The following TES variants were observed in gnomAD, a reference collection of about 807,000 sequenced individuals.
The protein encoded by TES is testin LIM domain protein, also known as testin.
TES carries 41 observed loss-of-function variants against 48.2 expected under a neutral mutation model. That is an observed-to-expected ratio of 0.85 (90% CI 0.66 to 1.10). The LOEUF is 1.10. TES is among the 50% of genes least tolerant of loss of function. The probability of loss-of-function intolerance (pLI) is 0.00; values close to 1 mark genes in which losing one functional copy is unlikely to be tolerated. For missense variants in TES, 463 were observed against 515.1 expected (o/e 0.90, Z 0.98); for synonymous variants, 162 against 174.9 (o/e 0.93, Z 0.58).
In TES at chr7:116,242,507, ATCTCTC is replaced by A. The variant is rs60510276; in HGVS notation, c.114-6487_114-6482del. ...AAAGCAATTTGCCTCTTCACCACCT[ATCTCTC>A]TCTCTCTCTCTCTCTCTCTCTCTCT... On this transcript the variant is annotated intron_variant, in intron 2 of 6. Coordinates refer to ENST00000358204, the MANE Select transcript of TES (RefSeq NM_015641.4). Among the ~76,000 whole-genome samples the A allele has an allele frequency of 1.0e-2, 1,417 of 141,898 alleles. 17 individuals are homozygous for A. Among genetic ancestry groups the A allele is most frequent in the African/African-American group, 0.033 (1,273 of 38,716 alleles). The allele number at this position is 141,898 out of a possible 152,430, so 93.1% of individuals were successfully genotyped here.
intron 1 of TES, among the ~76,000 whole-genome samples, chr7:116,232,825 T>C (rs1176477012): frequency 6.6e-6 from 1 of 152,262 alleles, no homozygotes; most frequent in African/African-American, 2.4e-5. Flanking sequence ...TGATAAAGCT[T>C]AGCTAATGCT....
At chr7:116,219,113 C>T (rs2178167) in intron 1 of TES, among the ~76,000 whole-genome samples, 3 of 151,754 alleles carry the variant, frequency 2.0e-5, no homozygotes, top group Non-Finnish European at 4.4e-5. Context: ...GTGTGGGTTG[C>T]GATTATTTTA....
intron 4 of TES, 78 bp from the exon 5 acceptor site, chr7:116,251,682 C>CA (rs766628460): frequency 0.065 from 65,708 of 1,008,774 alleles, 8 homozygotes; most frequent in Non-Finnish European, 0.075. Flanking sequence ...GACTCAGTCT[C>CA]AAAAAAAAAA....
intron 2 of TES, among the ~76,000 whole-genome samples, chr7:116,241,850 T>A (rs1799852983): frequency 6.6e-6 from 1 of 152,100 alleles, no homozygotes; most frequent in Non-Finnish European, 1.5e-5. Context: ...AATAATAATT[T>A]AAAAAAATAC....
chr7:116,242,533 CTCTCTGTCTCTG>C (rs747150482), intron 2 of TES, among the ~76,000 whole-genome samples: 4 of 73,930 alleles, frequency 5.4e-5, no homozygotes, highest in African/African-American at 3.0e-4. Flanking sequence ...CTCTCTCTCT[CTCTCTGTCTCTG>C]TCTCGGAATA....
At chr7:116,222,367 C>T (rs1799567377) in intron 1 of TES, among the ~76,000 whole-genome samples, 1 of 152,166 alleles carries the variant, frequency 6.6e-6, no homozygotes. Flanking sequence ...CTCCTCTGGG[C>T]AGCCTCCTTC....
At chr7:116,221,728 A>G (rs1799560341) in intron 1 of TES, among the ~76,000 whole-genome samples, 1 of 152,158 alleles carries the variant, frequency 6.6e-6, no homozygotes, top group Non-Finnish European at 1.5e-5. Flanking sequence ...CTCTAATTTC[A>G]TTGGTGGCTT....
intron 6 of TES, 125 bp downstream of exon 6, chr7:116,252,601 C>A: frequency 7.5e-7 from 1 of 1,340,082 alleles, no homozygotes; most frequent in Non-Finnish European, 1.1e-6. Flanking sequence ...CAAATTATTC[C>A]TACCACAGGG....
chr7:116,217,753 C>T (rs777704388), intron 1 of TES: 1 of 515,050 alleles, frequency 1.9e-6, no homozygotes, highest in Non-Finnish European at 3.9e-6. Context: ...TTGCCTCAAG[C>T]ACTATTAGAG....
intron 2 of TES, among the ~76,000 whole-genome samples, chr7:116,236,538 A>C (rs1799774115): frequency 1.3e-5 from 2 of 152,208 alleles, no homozygotes; most frequent in South Asian, 2.1e-4. Flanking sequence ...ATTTAAAAAA[A>C]ATTTGAAATC....
chr7:116,251,535 T>A, intron 4 of TES: 1 of 463,954 alleles, frequency 2.2e-6, no homozygotes, highest in Non-Finnish European at 4.0e-6. Context: ...ACAAAAAAAT[T>A]AGCCGGGCGT....
intron 2 of TES, among the ~76,000 whole-genome samples, chr7:116,236,763 C>A (rs1036456919): frequency 6.6e-6 from 1 of 152,040 alleles, no homozygotes; most frequent in African/African-American, 2.4e-5. Context: ...GAAAATATAT[C>A]CGACAAGAGC....
intron 1 of TES, chr7:116,218,075 G>C (rs1325469212): frequency 2.5e-6 from 1 of 396,348 alleles, no homozygotes; most frequent in Non-Finnish European, 5.0e-6. Context: ...CTTAAAGTGG[G>C]AGAGCGTTAT....
intron 2 of TES, among the ~76,000 whole-genome samples, chr7:116,244,672 G>T (rs1799896823): frequency 6.6e-6 from 1 of 152,210 alleles, no homozygotes; most frequent in African/African-American, 2.4e-5. Flanking sequence ...CCACTAGGCA[G>T]TGCCCTTGTG....
intron 1 of TES, among the ~76,000 whole-genome samples, chr7:116,220,719 C>A (rs112699288): frequency 2.4e-3 from 364 of 152,226 alleles, no homozygotes; most frequent in African/African-American, 8.6e-3. Context: ...AGTTGGGTAT[C>A]AGCTTTAGAA....
At chr7:116,224,028 C>T (rs893729216) in intron 1 of TES, among the ~76,000 whole-genome samples, 3 of 152,188 alleles carry the variant, frequency 2.0e-5, no homozygotes, top group African/African-American at 7.2e-5. Flanking sequence ...GCATCACTTC[C>T]GAGATTAGGG....
chr7:116,254,705 C>CA (rs1361955999), intron 6 of TES, among the ~76,000 whole-genome samples: 1 of 151,288 alleles, frequency 6.6e-6, no homozygotes, highest in Non-Finnish European at 1.5e-5. Flanking sequence ...CACTGCACCC[C>CA]AAGCCCAGGT....
chr7:116,223,547 GTGTA>G (rs1400860623), intron 1 of TES, among the ~76,000 whole-genome samples: 1 of 152,172 alleles, frequency 6.6e-6, no homozygotes, highest in Admixed American at 6.5e-5. Flanking sequence ...ACAAGTGTGT[GTGTA>G]TGTGTGTGTA....
Position 116,258,560 on chromosome 7 carries a change from GAT to G in TES, c.*1079_*1080del, listed in dbSNP as rs1491373615. On this transcript the variant is annotated 3_prime_UTR_variant, in exon 7 of 7. Coordinates refer to ENST00000358204, the MANE Select transcript of TES (RefSeq NM_015641.4). ...CACTTGCCTGCCATGATTTAGATAAGATTTTTTTTGCATGGTTTTTATTCTTT... is the reference window on the plus strand; with the variant it reads ...CACTTGCCTGCCATGATTTAGATAAGTTTTTTTGCATGGTTTTTATTCTTT... The G allele has an allele frequency of 7.5e-6, 1 of 134,002 alleles. No individual in the cohort carries two copies. The highest frequency in any genetic ancestry group is 1.6e-5 in the Non-Finnish European group (1 of 63,188). 8.3% of individuals were successfully genotyped at this position (134,002 alleles called of 1,614,324 possible). A position where few individuals can be genotyped will look rare whatever the true frequency, so the allele number is the denominator to read the frequency against.
Sources: gnomAD v4.1 joint callset for allele counts (sites outside exome capture counted in the v4.1 genomes callset) on GRCh38, gnomAD v4.1.1 for gene constraint, MANE v1.5 for transcripts, NCBI Gene and HGNC (gene_info 2026-07-23, HGNC 2026-07-21) for gene names.